Variants in DDX46 observed in about 807,000 individuals in gnomAD.
The protein encoded by DDX46 is DEAD-box helicase 46.
In DDX46, 30 loss-of-function variants were observed where a neutral mutation model predicts 134.9. The ratio of observed to expected loss-of-function variants is 0.22; its 90% CI spans 0.17 to 0.30. The LOEUF is 0.30. Ranked by LOEUF, DDX46 falls within the 10% of genes least tolerant of loss-of-function variation. The pLI, the probability that DDX46 is intolerant of heterozygous loss-of-function variation, is 1.00. For missense variants in DDX46, 622 were observed against 1,248.7 expected (o/e 0.50, Z 7.56); for synonymous variants, 415 against 404.1 (o/e 1.03, Z -0.32).
chr5:134,788,685 T>G, intron 12 of DDX46, 94 bp downstream of exon 12: 1 of 1,130,434 alleles, frequency 8.8e-7, no homozygotes. Context: ...AGGGTTTCTA[T>G]ATTTCTTCTT....
At chr5:134,827,695 T>G (rs1561877877) in intron 22 of DDX46, among the ~76,000 whole-genome samples, 1 of 151,888 alleles carries the variant, frequency 6.6e-6, no homozygotes, top group Non-Finnish European at 1.5e-5. Context: ...AGGAGATCGG[T>G]CCATGTTATT....
chr5:134,816,534 G>A lies in DDX46; in HGVS notation c.2541G>A (p.Glu847=). 6.2e-7 allele frequency: 1 copy of A among 1,614,048 alleles called. No individual in the cohort carries two copies. The highest frequency in any genetic ancestry group is 1.1e-5 in the South Asian group (1 of 91,066). The change falls in exon 19 of 23, where the codon GAG becomes GAA. Residue 847 remains glutamate, a synonymous_variant. Coordinates refer to ENST00000452510, the MANE Select transcript of DDX46 (RefSeq NM_001300860.2). The part of the protein sequence containing the change: ...SVPAPTAGNA[E]KLEIAKRLAL... ...CTGCTCCAACTGCAGGAAATGCTGA[G>A]AAATTAGAAATTGCTAAGAGATTGG...
At chr5:134,796,519 A>C (rs1459238275) in intron 15 of DDX46, among the ~76,000 whole-genome samples, 1 of 152,200 alleles carries the variant, frequency 6.6e-6, no homozygotes, top group East Asian at 1.9e-4. Flanking sequence ...TATTGCTATC[A>C]CATGCATGTA....
chr5:134,790,043 ATAGT>A lies in DDX46; in HGVS notation c.1544-423_1544-420del, dbSNP rs375386560. The A allele has an allele frequency of 8.8e-3, 4,020 of 457,222 alleles. 27 individuals carry two copies. The highest frequency in any genetic ancestry group is 0.012 in the South Asian group (755 of 64,546). The allele number at this position is 457,222 out of a possible 1,614,324, so 28.3% of individuals were successfully genotyped here. A position where few individuals can be genotyped will look rare whatever the true frequency, so the allele number is the denominator to read the frequency against. On this transcript the variant is annotated intron_variant, in intron 12 of 22. Transcript: ENST00000452510. ...TAGAGAGACATTTTCTGTGTCTAAAATAGTTAGCACTAGAACTTGCTTTCCACAC... is the reference window on the plus strand; with the variant it reads ...TAGAGAGACATTTTCTGTGTCTAAAATAGCACTAGAACTTGCTTTCCACAC...
intron 13 of DDX46, 70 bp from the exon 14 acceptor site, chr5:134,794,780 G>A (rs1321425250): frequency 5.1e-6 from 8 of 1,554,976 alleles, no homozygotes; most frequent in Non-Finnish European, 7.0e-6. Flanking sequence ...CCTTTTACTT[G>A]GTTTTAACAT....
chr5:134,783,278 C>T (rs1250813021), intron 9 of DDX46, among the ~76,000 whole-genome samples: 1 of 151,314 alleles, frequency 6.6e-6, no homozygotes, highest in Non-Finnish European at 1.5e-5. Context: ...GAGACAGAGT[C>T]TTGCTCTGTT....
At chr5:134,805,022 G>A in intron 15 of DDX46, 1 of 384,712 alleles carries the variant, frequency 2.6e-6, no homozygotes, top group South Asian at 2.3e-5. Context: ...TCCCAACTTT[G>A]TTGGTATAAA....
rs555242202 is a variant in DDX46, at chr5:134,760,886, C to T, written c.17+1931C>T. ...CTGGAACTACAGGCGCCTGCCACCG[C>T]GTCAGGCTAATTTTTGTATTTTTTA... On this transcript the variant is annotated intron_variant, in intron 1 of 22. Transcript: ENST00000452510. Among the ~76,000 whole-genome samples the T allele has an allele frequency of 9.2e-5, 14 of 152,208 alleles. No homozygotes were observed. In the South Asian group the frequency reaches 1.0e-3, roughly 11 times the overall value.
intron 21 of DDX46, 110 bp from the exon 22 acceptor site, chr5:134,826,837 A>T: frequency 2.0e-6 from 2 of 982,210 alleles, no homozygotes; most frequent in Non-Finnish European, 3.0e-6. Context: ...GGCAGGCAGT[A>T]CAGTGTTTCT....
chr5:134,767,278 G>A (rs1753605103), intron 3 of DDX46, among the ~76,000 whole-genome samples: 1 of 152,068 alleles, frequency 6.6e-6, no homozygotes, highest in African/African-American at 2.4e-5. Context: ...TCAATACATT[G>A]TATTCTTACT....
chr5:134,821,621 A>C (rs1755455216), intron 21 of DDX46, among the ~76,000 whole-genome samples: 1 of 150,154 alleles, frequency 6.7e-6, no homozygotes, highest in South Asian at 2.1e-4. Context: ...CAACGGCGCA[A>C]TTTTGGCTCA....
chr5:134,813,772 C>T (rs996668650), intron 18 of DDX46, among the ~76,000 whole-genome samples: 2 of 152,004 alleles, frequency 1.3e-5, no homozygotes, highest in Non-Finnish European at 2.9e-5. Flanking sequence ...CACCACCATG[C>T]CCTGTTAATA....
intron 21 of DDX46, among the ~76,000 whole-genome samples, chr5:134,822,641 C>T (rs1385125132): frequency 2.0e-5 from 3 of 152,114 alleles, no homozygotes; most frequent in South Asian, 2.1e-4. Context: ...TGTTCTGTCA[C>T]CTGTCCTGGA....
chr5:134,782,579 G>A (rs531961317), intron 8 of DDX46, among the ~76,000 whole-genome samples: 2 of 152,076 alleles, frequency 1.3e-5, no homozygotes, highest in Admixed American at 6.6e-5. Flanking sequence ...GTGCAGTGGT[G>A]CAGTCATTGC....
chr5:134,816,361 C>T (rs1159777324), intron 18 of DDX46, 69 bp from the exon 19 acceptor site: 4 of 1,397,454 alleles, frequency 2.9e-6, no homozygotes, highest in Non-Finnish European at 3.9e-6. Context: ...TTATTTATTT[C>T]TGTAGAATAA....
chr5:134,783,801 G>A (rs1267282317), intron 9 of DDX46, among the ~76,000 whole-genome samples: 1 of 149,316 alleles, frequency 6.7e-6, no homozygotes, highest in Non-Finnish European at 1.5e-5. Flanking sequence ...CACCCGCTGC[G>A]GCCTCTGAAA....
chr5:134,780,098 ATGTGTGTGTGTGTGTGTGTG>A (rs71583216), intron 6 of DDX46, among the ~76,000 whole-genome samples: 22 of 139,578 alleles, frequency 1.6e-4, no homozygotes, highest in Middle Eastern at 3.5e-3. Context: ...AAAAAAATAT[ATGTGTGTGTGTGTGTGTGTG>A]TGTGTGTGTG....
intron 1 of DDX46, among the ~76,000 whole-genome samples, chr5:134,760,424 A>G (rs1753341591): frequency 6.6e-6 from 1 of 152,186 alleles, no homozygotes. Flanking sequence ...TTTGAGAAGT[A>G]GTAGGAGGTA....
In DDX46 at chr5:134,829,432, A is replaced by G. The variant is rs1007582689; in HGVS notation, c.*726A>G. On this transcript the variant is annotated 3_prime_UTR_variant, in exon 23 of 23. Transcript: ENST00000452510. Reference sequence around the variant, plus strand: ...TTTTATAATCTTCCTTAAAAGAAAGAGTGTAGCCTATAAATACTAAATATG... The same window carrying G: ...TTTTATAATCTTCCTTAAAAGAAAGGGTGTAGCCTATAAATACTAAATATG... The G allele has an allele frequency of 6.6e-6, 1 of 152,168 alleles. No homozygotes were observed. The highest frequency in any genetic ancestry group is 2.4e-5 in the African/African-American group (1 of 41,432). 9.4% of individuals were successfully genotyped at this position (152,168 alleles called of 1,614,324 possible). A position where few individuals can be genotyped will look rare whatever the true frequency, so the allele number is the denominator to read the frequency against.
Sources: gnomAD v4.1 joint callset for allele counts (sites outside exome capture counted in the v4.1 genomes callset) on GRCh38, gnomAD v4.1.1 for gene constraint, MANE v1.5 for transcripts, NCBI Gene and HGNC (gene_info 2026-07-23, HGNC 2026-07-21) for gene names.